The following CACNA1C variants were observed in gnomAD, a reference collection of about 807,000 sequenced individuals.
CACNA1C encodes calcium voltage-gated channel subunit alpha1 C, also known as voltage-dependent L-type calcium channel subunit alpha-1C.
CACNA1C carries 30 observed loss-of-function variants against 229.0 expected under a neutral mutation model. The ratio of observed to expected loss-of-function variants is 0.13; its 90% confidence interval spans 0.10 to 0.18. CACNA1C has a LOEUF of 0.18. Ranked by LOEUF, CACNA1C falls within the 10% of genes least tolerant of loss-of-function variation. The probability of loss-of-function intolerance (pLI) is 1.00; values close to 1 mark genes in which losing one functional copy is unlikely to be tolerated. For synonymous variants in CACNA1C, 1,114 were observed against 1,132.5 expected, an observed-to-expected ratio of 0.98 and a Z score of 0.33; for missense variants, 1,658 against 2,845.0, an observed-to-expected ratio of 0.58 and a Z score of 9.49.
intron 1 of CACNA1C, among the ~76,000 whole-genome samples, chr12:2,003,195 A>G (rs2042588631): frequency 6.6e-6 from 1 of 152,182 alleles, no homozygotes; most frequent in Non-Finnish European, 1.5e-5. Context: ...GTTTTTTACT[A>G]CAGGCTGCTG....
chr12:1,989,713 C>T (rs7487506), intron 1 of CACNA1C, among the ~76,000 whole-genome samples: 47,215 of 152,092 alleles, frequency 0.31, 7,560 homozygotes, highest in East Asian at 0.54. Flanking sequence ...GACTCCGTCT[C>T]AATTGAAAAA....
chr12:2,525,464 C>T (rs748321286), intron 9 of CACNA1C, among the ~76,000 whole-genome samples: 3 of 152,166 alleles, frequency 2.0e-5, no homozygotes, highest in Non-Finnish European at 4.4e-5. Flanking sequence ...AGTGCCATGC[C>T]CCTCTGAGGG....
rs1480142374 is a variant in CACNA1C at position 2,310,912 on chromosome 12, C to T, written c.478-138064C>T. Among the ~76,000 whole-genome samples the T allele has an allele frequency of 3.3e-5, 5 of 152,328 alleles. No individual in the cohort carries two copies. In the East Asian group the frequency reaches 9.6e-4, roughly 29 times the overall value. On this transcript the variant is annotated intron_variant, in intron 3 of 46. Coordinates refer to ENST00000399655, the MANE Select transcript of CACNA1C (RefSeq NM_000719.7). ...GAGTTGAGGGGTAGAAAAAGGAAGA[C>T]AGCCCCTACGTTCAGCAGAACCCAG...
At position 2,245,352 on chromosome 12, in the gene CACNA1C, G is replaced by T. The variant is rs991613563; in HGVS notation, c.477+124922G>T. ...CATGCATGCTTGCTTAGCCACCCGG[G>T]TTTAAATTTTCATTGACTGAACAGT... On this transcript the variant is annotated intron_variant, in intron 3 of 46. Coordinates refer to ENST00000399655, the MANE Select transcript of CACNA1C (RefSeq NM_000719.7). 4.4e-4 allele frequency among the ~76,000 whole-genome samples: 67 copies of T among 152,280 alleles called. 1 individual carries two copies. The highest frequency in any genetic ancestry group is 1.4e-3 in the African/African-American group (57 of 41,568).
chr12:2,428,813 G>A (rs2099056527), intron 3 of CACNA1C, among the ~76,000 whole-genome samples: 1 of 152,192 alleles, frequency 6.6e-6, no homozygotes, highest in Non-Finnish European at 1.5e-5. Flanking sequence ...GAAACCAAGA[G>A]GCTGATGCTG....
chr12:2,561,771 G>A (rs1161223674), intron 11 of CACNA1C, among the ~76,000 whole-genome samples: 2 of 152,280 alleles, frequency 1.3e-5, no homozygotes, highest in South Asian at 2.1e-4. Context: ...AGACCCATTC[G>A]TATCCATCCC....
intron 9 of CACNA1C, among the ~76,000 whole-genome samples, chr12:2,519,100 A>C (rs1382238338): frequency 1.3e-5 from 2 of 152,174 alleles, no homozygotes; most frequent in East Asian, 3.9e-4. Context: ...AGCACTCCCT[A>C]ACTGTCCCTC....
intron 38 of CACNA1C, among the ~76,000 whole-genome samples, chr12:2,670,836 A>G (rs1264485386): frequency 6.6e-6 from 1 of 151,944 alleles, no homozygotes; most frequent in Non-Finnish European, 1.5e-5. Flanking sequence ...CCTGGGCGAC[A>G]GAGTGAGGCT....
chr12:2,047,112 T>A (rs2154497271), intron 1 of CACNA1C, among the ~76,000 whole-genome samples: 1 of 152,286 alleles, frequency 6.6e-6, no homozygotes, highest in Middle Eastern at 3.4e-3. Flanking sequence ...GCCTCTGGGT[T>A]TGTGTAGACT....
intron 5 of CACNA1C, among the ~76,000 whole-genome samples, chr12:2,484,306 A>G (rs945547617): frequency 2.6e-5 from 4 of 152,172 alleles, no homozygotes; most frequent in African/African-American, 7.2e-5. Context: ...AGGGAACAGC[A>G]TATGTGGTGG....
At chr12:2,431,523 A>G (rs1419088734) in intron 3 of CACNA1C, among the ~76,000 whole-genome samples, 1 of 152,182 alleles carries the variant, frequency 6.6e-6, no homozygotes, top group East Asian at 1.9e-4. Context: ...CAGTAATCCA[A>G]ATGTGCTCTG....
At chr12:2,273,485 T>C (rs1389006828) in intron 3 of CACNA1C, among the ~76,000 whole-genome samples, 2 of 151,996 alleles carry the variant, frequency 1.3e-5, no homozygotes, top group Non-Finnish European at 2.9e-5. Context: ...CAGAGCCGGC[T>C]CTTTCTGTGG....
chr12:2,324,516 C>T (rs574646919), intron 3 of CACNA1C, among the ~76,000 whole-genome samples: 1 of 152,212 alleles, frequency 6.6e-6, no homozygotes. Flanking sequence ...CCCTGGGTCC[C>T]GCGCTTGCAC....
intron 3 of CACNA1C, among the ~76,000 whole-genome samples, chr12:2,187,789 G>A (rs146705139): frequency 3.5e-3 from 534 of 152,340 alleles, no homozygotes; most frequent in African/African-American, 0.012. Context: ...GACTTTGCTC[G>A]GTGACCCCTC....
intron 3 of CACNA1C, among the ~76,000 whole-genome samples, chr12:2,436,187 T>G (rs909138696): frequency 1.5e-4 from 23 of 152,202 alleles, no homozygotes; most frequent in Non-Finnish European, 1.8e-4. Flanking sequence ...GGAATCCTTA[T>G]AAGTTCTTGA....
chr12:2,375,882 T>C (rs2098042411), intron 3 of CACNA1C, among the ~76,000 whole-genome samples: 1 of 152,230 alleles, frequency 6.6e-6, no homozygotes, highest in Admixed American at 6.5e-5. Context: ...CACCACTTGA[T>C]TGGGAGCTGT....
At chr12:1,977,174 T>C (rs1158854253) in intron 1 of CACNA1C, among the ~76,000 whole-genome samples, 1 of 152,174 alleles carries the variant, frequency 6.6e-6, no homozygotes, top group African/African-American at 2.4e-5. Flanking sequence ...CTCCAAGTCT[T>C]AGAATTTGTT....
chr12:1,978,663 TCAA>T lies in CACNA1C; in HGVS notation c.139+7467_139+7469del, dbSNP rs549296355. On this transcript the variant is annotated intron_variant, in intron 1 of 46. Coordinates refer to the CACNA1C transcript ENST00000682462. ...AAATATTTTTATCACTCTTTTCCAG[TCAA>T]CAACCACACCCCACTTCCACCACCA... Among the ~76,000 whole-genome samples the T allele has an allele frequency of 9.9e-5, 15 of 152,270 alleles. No individual in the cohort carries two copies. In the South Asian group the frequency reaches 3.1e-3, roughly 32 times the overall value.
chr12:1,992,269 A>C (rs2039609459), intron 1 of CACNA1C: 1 of 160,046 alleles, frequency 6.2e-6, no homozygotes, highest in Non-Finnish European at 1.4e-5. Flanking sequence ...TCTCTAAATA[A>C]TAGGATAACC....
Sources: allele counts gnomAD v4.1 joint callset (sites outside exome capture counted in the v4.1 genomes callset), GRCh38; gene constraint gnomAD v4.1.1; transcripts MANE v1.5; gene names NCBI Gene and HGNC (gene_info 2026-07-23, HGNC 2026-07-21).